The following KPNA1 variants were observed in gnomAD, a reference collection of about 807,000 sequenced individuals.
KPNA1 encodes importin subunit alpha-5.
KPNA1 carries 10 observed loss-of-function variants against 70.5 expected under a neutral mutation model. The ratio of observed to expected loss-of-function variants is 0.14; its 90% CI spans 0.09 to 0.24. KPNA1 has a LOEUF of 0.24. Ranked by LOEUF, KPNA1 falls within the 10% of genes least tolerant of loss-of-function variation. The pLI is 1.00. For missense variants in KPNA1, 397 were observed against 637.9 expected (o/e 0.62, Z 4.07); for synonymous variants, 192 against 221.9 (o/e 0.87, Z 1.20).
chr3:122,429,446 C>CCAA (rs374114664), intron 12 of KPNA1, among the ~76,000 whole-genome samples: 1 of 58,782 alleles, frequency 1.7e-5, no homozygotes, highest in East Asian at 6.1e-4. Context: ...AACTCTGTCT[C>CCAA]AAAAAAAAAA....
At chr3:122,488,129 T>A (rs1240180872) in intron 2 of KPNA1, among the ~76,000 whole-genome samples, 1 of 152,158 alleles carries the variant, frequency 6.6e-6, no homozygotes, top group Non-Finnish European at 1.5e-5. Context: ...TCCCCGTAAC[T>A]CCTATAAAAG....
At chr3:122,463,164 C>A (rs912071372) in intron 4 of KPNA1, among the ~76,000 whole-genome samples, 1 of 152,044 alleles carries the variant, frequency 6.6e-6, no homozygotes, top group African/African-American at 2.4e-5. Flanking sequence ...CTGGCTAACA[C>A]AGTGAAACAC....
intron 2 of KPNA1, among the ~76,000 whole-genome samples, chr3:122,478,234 T>C (rs1000972080): frequency 2.0e-5 from 3 of 150,156 alleles, no homozygotes; most frequent in Non-Finnish European, 3.0e-5. Flanking sequence ...CTGGAACAAC[T>C]GGGCACACAC....
chr3:122,459,061 G>A (rs1275762198), intron 5 of KPNA1, among the ~76,000 whole-genome samples: 1 of 152,178 alleles, frequency 6.6e-6, no homozygotes, highest in Non-Finnish European at 1.5e-5. Flanking sequence ...TGGAATCTGG[G>A]AGTTTACATA....
intron 2 of KPNA1, among the ~76,000 whole-genome samples, chr3:122,482,622 G>C (rs2076584278): frequency 1.3e-5 from 2 of 152,086 alleles, no homozygotes; most frequent in African/African-American, 2.4e-5. Flanking sequence ...CTATAACAAA[G>C]GGACTAGAAC....
In KPNA1 at chr3:122,466,875, C is replaced by A. The variant is rs556356227; in HGVS notation, c.237+447G>T. Among the ~76,000 whole-genome samples, 8 of 152,142 alleles carry A rather than the reference C, an allele frequency of 5.3e-5. No homozygotes were observed. In the East Asian group the frequency reaches 1.5e-3, roughly 29 times the overall value. The stretch of plus-strand genomic sequence containing the variant: ...AATTTGCCAGTCATGGTGGCACATG[C>A]CTGTAGTCCCAGCTATTTGGGAGGC... On this transcript the variant is annotated intron_variant, in intron 3 of 13. Transcript: ENST00000344337.
intron 10 of KPNA1, among the ~76,000 whole-genome samples, chr3:122,440,461 AG>A (rs1295127252): frequency 2.9e-4 from 44 of 152,330 alleles, no homozygotes; most frequent in Non-Finnish European, 4.4e-5. Context: ...AGCCAATTCA[AG>A]GAACAAATAT....
chr3:122,507,388 C>T (rs1040751550), intron 1 of KPNA1, among the ~76,000 whole-genome samples: 2 of 146,694 alleles, frequency 1.4e-5, no homozygotes, highest in South Asian at 2.1e-4. Flanking sequence ...TTGCAGTGAG[C>T]TGAGATTGTG....
chr3:122,461,449 GAAATGTC>G (rs2076322979), intron 4 of KPNA1, 131 bp from the exon 5 acceptor site: 2 of 597,394 alleles, frequency 3.3e-6, no homozygotes, highest in Admixed American at 6.3e-5. Context: ...TAAAACAAAT[GAAATGTC>G]AAATTGGGTT....
intron 9 of KPNA1, among the ~76,000 whole-genome samples, chr3:122,447,430 T>C (rs1300699901): frequency 2.6e-5 from 4 of 152,230 alleles, no homozygotes; most frequent in Admixed American, 6.5e-5. Flanking sequence ...ACTACATGAT[T>C]ATCTCAACAG....
chr3:122,476,880 A>AAAAAAC (rs2076505767), intron 2 of KPNA1, among the ~76,000 whole-genome samples: 1 of 150,470 alleles, frequency 6.6e-6, no homozygotes, highest in African/African-American at 2.4e-5. Flanking sequence ...AAAAAAAAAA[A>AAAAAAC]AAAACTAAAA....
At chr3:122,510,861 T>C (rs146259955) in intron 1 of KPNA1, among the ~76,000 whole-genome samples, 1 of 152,322 alleles carries the variant, frequency 6.6e-6, no homozygotes, top group East Asian at 1.9e-4. Flanking sequence ...ATTTTTTTAA[T>C]GTTGATAAAA....
chr3:122,446,220 C>A (rs561932698), intron 9 of KPNA1, among the ~76,000 whole-genome samples: 2 of 152,260 alleles, frequency 1.3e-5, no homozygotes, highest in African/African-American at 4.8e-5. Flanking sequence ...AAAATATACA[C>A]TCTTCTCAGC....
chr3:122,476,395 C>CA (rs2076497782), intron 2 of KPNA1, among the ~76,000 whole-genome samples: 1 of 152,086 alleles, frequency 6.6e-6, no homozygotes, highest in South Asian at 2.1e-4. Flanking sequence ...ACCCCAAAAG[C>CA]ACAGGCAACA....
chr3:122,487,256 A>G (rs1402198154), intron 2 of KPNA1, among the ~76,000 whole-genome samples: 2 of 152,268 alleles, frequency 1.3e-5, no homozygotes, highest in African/African-American at 4.8e-5. Flanking sequence ...GCCAACAAGC[A>G]TATGAAAAGA....
chr3:122,468,269 T>C (rs1399519096), intron 2 of KPNA1, among the ~76,000 whole-genome samples: 2 of 152,162 alleles, frequency 1.3e-5, no homozygotes, highest in Non-Finnish European at 2.9e-5. Flanking sequence ...GTTTAGATGC[T>C]CCTTGGATTT....
intron 2 of KPNA1, among the ~76,000 whole-genome samples, chr3:122,468,358 A>G (rs2076404670): frequency 6.6e-6 from 1 of 151,876 alleles, no homozygotes; most frequent in Non-Finnish European, 1.5e-5. Flanking sequence ...AAGAACACCC[A>G]AGATCTACAG....
At chr3:122,427,910 C>T (rs969153058) in intron 12 of KPNA1, among the ~76,000 whole-genome samples, 194 bp from the exon 13 acceptor site, 1 of 152,074 alleles carries the variant, frequency 6.6e-6, no homozygotes, top group African/African-American at 2.4e-5. Flanking sequence ...TTATCCCAAA[C>T]CAGTTCTCTG....
At chr3:122,460,231 T>TA in intron 5 of KPNA1, 6 of 985,296 alleles carry the variant, frequency 6.1e-6, no homozygotes, top group Non-Finnish European at 6.0e-6. Flanking sequence ...GGAAGTTTAC[T>TA]AAAAAATCAT....
Sources: allele counts gnomAD v4.1 joint callset (sites outside exome capture counted in the v4.1 genomes callset), GRCh38; gene constraint gnomAD v4.1.1; transcripts MANE v1.5; gene names NCBI Gene and HGNC (gene_info 2026-07-23, HGNC 2026-07-21).